Variants in OTOGL observed in about 807,000 individuals in gnomAD.
OTOGL encodes the protein otogelin like.
In OTOGL, 285 loss-of-function variants were observed where a neutral mutation model predicts 318.5. The observed-to-expected ratio is 0.89, with a 90% CI of 0.81 to 0.99. The LOEUF (loss-of-function observed/expected upper bound fraction) is 0.99. Ranked by LOEUF, OTOGL falls within the 50% of genes least tolerant of loss-of-function variation. The pLI, the probability that OTOGL is intolerant of heterozygous loss-of-function variation, is 0.00. For synonymous variants in OTOGL, 987 were observed against 936.5 expected (o/e 1.05, Z -0.99); for missense variants, 2,899 against 2,845.6 (o/e 1.02, Z -0.43).
chr12:80,150,115 T>C (rs1872691653), intron 1 of OTOGL, among the ~76,000 whole-genome samples: 2 of 152,162 alleles, frequency 1.3e-5, no homozygotes, highest in African/African-American at 4.8e-5. Flanking sequence ...ACCAAAAAAA[T>C]GAATGCCAAT....
In OTOGL at chr12:80,358,287, A is replaced by T; in HGVS notation, c.6059A>T (p.Asp2020Val). The change falls in exon 50 of 59, where the codon GAT becomes GTT. Residue 2020 changes from aspartate (D) to valine (V), a missense_variant. Around this residue, in one of 3 missense-constraint regions of OTOGL, gnomAD observed 2,607 missense variants for 2,524.9 expected, o/e 1.03. Transcript: ENST00000547103. ...ACCAAACCTGTTCCACTATGTCATG[A>T]TGGGGAATTTCTCACAGTAGATCTT... ...SCTKPVPLCH[D>V]GEFLTVDLNS... 2 of 1,612,288 alleles carry T rather than the reference A, an allele frequency of 1.2e-6. No homozygotes were observed. Among genetic ancestry groups the T allele is most frequent in the South Asian group, 1.1e-5 (1 of 90,798 alleles).
Position 80,142,117 on chromosome 12 carries a change from T to C in OTOGL, c.-20+42512T>C, listed in dbSNP as rs138574368. 4.3e-3 allele frequency among the ~76,000 whole-genome samples: 649 copies of C among 152,234 alleles called. 5 individuals are homozygous for C. The highest frequency in any genetic ancestry group is 0.015 in the African/African-American group (610 of 41,546). On this transcript the variant is annotated intron_variant, in intron 1 of 58. Coordinates refer to ENST00000547103, the MANE Select transcript of OTOGL (RefSeq NM_001378609.3). ...AAAGAGAGAGGAGGAGAGAGACTCCTGTGAAGGAGAAGGTTAGAGAAAAAC... is the reference window on the plus strand; with the variant it reads ...AAAGAGAGAGGAGGAGAGAGACTCCCGTGAAGGAGAAGGTTAGAGAAAAAC...
chr12:80,321,696 G>T (rs766086999), intron 34 of OTOGL, among the ~76,000 whole-genome samples: 52 of 152,194 alleles, frequency 3.4e-4, no homozygotes, highest in Non-Finnish European at 6.2e-4. Flanking sequence ...ATTCTGCAAG[G>T]GTTCTTACTC....
chr12:80,251,677 T>G lies in OTOGL; in HGVS notation c.1053-16T>G. On this transcript the variant is annotated splice_polypyrimidine_tract_variant and intron_variant, in intron 11 of 58. Coordinates refer to ENST00000547103, the MANE Select transcript of OTOGL (RefSeq NM_001378609.3). ...TATTTCCTATGTGATTCTGGCTCTG[T>G]CTTTTCACTTTCTAGAACTGATGAT... is the stretch of plus-strand genomic sequence containing the variant. 2 of 1,558,850 alleles carry G rather than the reference T, an allele frequency of 1.3e-6. No individual in the cohort carries two copies. Among genetic ancestry groups the G allele is most frequent in the Non-Finnish European group, 1.7e-6 (2 of 1,145,758 alleles).
At chr12:80,293,006 A>G (rs545226576) in intron 26 of OTOGL, among the ~76,000 whole-genome samples, 1 of 152,334 alleles carries the variant, frequency 6.6e-6, no homozygotes, top group South Asian at 2.1e-4. Context: ...TCAAAGGCTT[A>G]AAACACTTGA....
At chr12:80,204,973 A>G (rs978172923) in intron 1 of OTOGL, among the ~76,000 whole-genome samples, 2 of 152,180 alleles carry the variant, frequency 1.3e-5, no homozygotes, top group African/African-American at 4.8e-5. Flanking sequence ...CATGGACCCC[A>G]AATTCAAAAT....
chr12:80,198,478 G>A (rs1876236093), intron 1 of OTOGL, among the ~76,000 whole-genome samples: 1 of 152,106 alleles, frequency 6.6e-6, no homozygotes, highest in African/African-American at 2.4e-5. Flanking sequence ...CAGCTACCTG[G>A]GAGGCTGAGG....
intron 24 of OTOGL, among the ~76,000 whole-genome samples, chr12:80,275,378 G>A (rs995942456): frequency 6.6e-5 from 10 of 151,924 alleles, no homozygotes; most frequent in Admixed American, 1.3e-4. Context: ...AATTAGAAGT[G>A]AAGCCTGAAG....
intron 1 of OTOGL, among the ~76,000 whole-genome samples, chr12:80,172,987 G>C (rs1045274496): frequency 5.3e-5 from 8 of 152,096 alleles, no homozygotes; most frequent in Non-Finnish European, 1.2e-4. Flanking sequence ...CAGATGCTGG[G>C]CTTAATACCT....
chr12:80,292,795 G>T (rs192864199), intron 26 of OTOGL, among the ~76,000 whole-genome samples: 1 of 152,012 alleles, frequency 6.6e-6, no homozygotes, highest in Admixed American at 6.5e-5. Context: ...TATAATTTTG[G>T]AACATATATT....
chr12:80,290,531 A>G (rs1358428542), intron 26 of OTOGL, among the ~76,000 whole-genome samples: 2 of 152,192 alleles, frequency 1.3e-5, no homozygotes, highest in African/African-American at 4.8e-5. Flanking sequence ...TTCAGAAAAA[A>G]GAAAGTTTTG....
chr12:80,112,164 T>G (rs1869880747), intron 1 of OTOGL, among the ~76,000 whole-genome samples: 2 of 152,220 alleles, frequency 1.3e-5, no homozygotes, highest in East Asian at 3.8e-4. Context: ...CTATGGGATT[T>G]TCTAAATATA....
chr12:80,313,899 G>T (rs1004999191), intron 31 of OTOGL, among the ~76,000 whole-genome samples: 13 of 151,982 alleles, frequency 8.6e-5, no homozygotes, highest in Non-Finnish European at 1.8e-4. Context: ...CATCCTTAGA[G>T]AAATTGTTTA....
chr12:80,228,672 T>A (rs1879095472), intron 7 of OTOGL, among the ~76,000 whole-genome samples: 1 of 152,136 alleles, frequency 6.6e-6, no homozygotes, highest in African/African-American at 2.4e-5. Flanking sequence ...GGTAAAATAA[T>A]CTAAGCTTCC....
At chr12:80,287,749 G>A (rs1023402034) in intron 26 of OTOGL, among the ~76,000 whole-genome samples, 3 of 151,768 alleles carry the variant, frequency 2.0e-5, no homozygotes, top group Non-Finnish European at 1.5e-5. Context: ...CCATTTGCTT[G>A]ATAAATATTC....
chr12:80,108,310 ATTG>A (rs1275817629), intron 1 of OTOGL, among the ~76,000 whole-genome samples: 1 of 151,986 alleles, frequency 6.6e-6, no homozygotes, highest in Non-Finnish European at 1.5e-5. Flanking sequence ...TTATAATATA[ATTG>A]TTATAATTAT....
At chr12:80,293,658 T>C (rs1369511505) in intron 26 of OTOGL, among the ~76,000 whole-genome samples, 2 of 143,536 alleles carry the variant, frequency 1.4e-5, no homozygotes, top group African/African-American at 5.1e-5. Context: ...TATGTTCAGC[T>C]TTTTTTTTTT....
chr12:80,227,975 A>G (rs1213207384), intron 7 of OTOGL, among the ~76,000 whole-genome samples: 2 of 152,134 alleles, frequency 1.3e-5, no homozygotes, highest in African/African-American at 4.8e-5. Flanking sequence ...ATTTTCTATT[A>G]GCCGTTTTCC....
At chr12:80,206,313 C>A (rs1027538905) in intron 1 of OTOGL, among the ~76,000 whole-genome samples, 1 of 152,044 alleles carries the variant, frequency 6.6e-6, no homozygotes, top group African/African-American at 2.4e-5. Context: ...TTTCATATAT[C>A]GAGTTCATAA....
Sources: allele counts gnomAD v4.1 joint callset (sites outside exome capture counted in the v4.1 genomes callset), GRCh38; gene constraint gnomAD v4.1.1; regional missense constraint gnomAD v4.1.1; transcripts MANE v1.5; gene names NCBI Gene and HGNC (gene_info 2026-07-23, HGNC 2026-07-21).